ANKS1B: variants seen among roughly 807,000 people sequenced by gnomAD.
The protein encoded by ANKS1B is ankyrin repeat and sterile alpha motif domain containing 1B, also known as ankyrin repeat and sterile alpha motif domain-containing protein 1B.
In ANKS1B, 36 loss-of-function variants were observed where a neutral mutation model predicts 148.3. The observed-to-expected ratio is 0.24, with a 90% CI of 0.19 to 0.32. The LOEUF (loss-of-function observed/expected upper bound fraction) is 0.32. Ranked by LOEUF, ANKS1B falls within the 10% of genes least tolerant of loss-of-function variation. The pLI, the probability that ANKS1B is intolerant of heterozygous loss-of-function variation, is 1.00. For missense variants in ANKS1B, 1,157 were observed against 1,542.6 expected, an observed-to-expected ratio of 0.75 and a Z score of 4.19; for synonymous variants, 542 against 560.8, an observed-to-expected ratio of 0.97 and a Z score of 0.47.
rs1008864099 is a variant in ANKS1B, at chr12:99,984,220, C to T, written c.18G>A (p.Glu6=). The T allele has an allele frequency of 6.2e-7, 1 of 1,613,644 alleles. No individual in the cohort carries two copies. The highest frequency in any genetic ancestry group is 8.5e-7 in the Non-Finnish European group (1 of 1,179,682). MGKDQ[E]LLEAARTGNV... ...TTCCAGTGCGAGCAGCTTCCAGCAGCTCCTGGTCCTTCCCCATAGTCTCTC... is the reference window on the plus strand; with the variant it reads ...TTCCAGTGCGAGCAGCTTCCAGCAGTTCCTGGTCCTTCCCCATAGTCTCTC... The change falls in exon 1 of 27, where the codon GAG becomes GAA. Residue 6 remains glutamate (E), a synonymous_variant. Transcript: ENST00000683438.
chr12:99,426,922 G>A (rs1289330161), intron 11 of ANKS1B, among the ~76,000 whole-genome samples: 1 of 152,100 alleles, frequency 6.6e-6, no homozygotes, highest in Non-Finnish European at 1.5e-5. Context: ...AAATGGCATC[G>A]TGATTTTTCA....
intron 12 of ANKS1B, among the ~76,000 whole-genome samples, chr12:99,247,210 A>T (rs973847215): frequency 1.3e-5 from 2 of 152,188 alleles, no homozygotes; most frequent in African/African-American, 4.8e-5. Flanking sequence ...CTTAAAGTAG[A>T]ACACACACAT....
chr12:99,244,008 T>G (rs897467954), intron 14 of ANKS1B, among the ~76,000 whole-genome samples: 1 of 151,868 alleles, frequency 6.6e-6, no homozygotes, highest in African/African-American at 2.4e-5. Context: ...CCCTAGCACT[T>G]AAAGTATAAT....
chr12:98,846,005 C>CACAT (rs1491400567), intron 17 of ANKS1B, among the ~76,000 whole-genome samples: 12,069 of 149,566 alleles, frequency 0.081, 638 homozygotes, highest in Non-Finnish European at 0.12. Context: ...CACACACACA[C>CACAT]ATATATGTAC....
chr12:99,354,845 A>T (rs1036877231), intron 12 of ANKS1B, among the ~76,000 whole-genome samples: 2 of 151,984 alleles, frequency 1.3e-5, no homozygotes, highest in South Asian at 4.1e-4. Flanking sequence ...TAAGTATATG[A>T]CTCAAACAAT....
At chr12:98,981,850 C>T (rs914973797) in intron 17 of ANKS1B, among the ~76,000 whole-genome samples, 10 of 152,162 alleles carry the variant, frequency 6.6e-5, no homozygotes, top group African/African-American at 2.2e-4. Flanking sequence ...TGATAATATT[C>T]GTGTCTTGTT....
At chr12:99,847,711 CT>C (rs2086920887) in intron 1 of ANKS1B, among the ~76,000 whole-genome samples, 2 of 152,134 alleles carry the variant, frequency 1.3e-5, no homozygotes, top group South Asian at 4.1e-4. Context: ...ACATATAAAA[CT>C]TTGATTAAAT....
At chr12:99,207,538 A>G (rs2082832422) in intron 14 of ANKS1B, among the ~76,000 whole-genome samples, 1 of 152,112 alleles carries the variant, frequency 6.6e-6, no homozygotes, top group African/African-American at 2.4e-5. Context: ...AAATTGTTAT[A>G]TGAGGAAGCA....
At chr12:98,735,001 T>A (rs2097767309) in exon 10 of ANKS1B, 1 of 388,620 alleles carries the variant, frequency 2.6e-6, no homozygotes, top group Non-Finnish European at 4.5e-6. Flanking sequence ...TAATCCCAGC[T>A]CCTTGGGAGG....
chr12:99,354,290 T>C (rs528762987), intron 12 of ANKS1B, among the ~76,000 whole-genome samples: 11 of 152,160 alleles, frequency 7.2e-5, no homozygotes, highest in African/African-American at 2.4e-4. Context: ...TGGGTTCTAC[T>C]CCACATACTC....
intron 9 of ANKS1B, among the ~76,000 whole-genome samples, chr12:99,560,492 T>A (rs2097322390): frequency 6.6e-6 from 1 of 152,156 alleles, no homozygotes. Context: ...AAAATAAAGT[T>A]GATATGCAGG....
At chr12:99,704,934 A>G (rs748800886) in intron 8 of ANKS1B, among the ~76,000 whole-genome samples, 1 of 152,084 alleles carries the variant, frequency 6.6e-6, no homozygotes, top group Non-Finnish European at 1.5e-5. Flanking sequence ...GACAAGCAGA[A>G]CAAGAAAGGA....
At chr12:99,891,873 T>C (rs2093129480) in intron 1 of ANKS1B, among the ~76,000 whole-genome samples, 1 of 152,224 alleles carries the variant, frequency 6.6e-6, no homozygotes, top group Non-Finnish European at 1.5e-5. Context: ...TGATTTGCTA[T>C]AAAATAATCC....
intron 12 of ANKS1B, among the ~76,000 whole-genome samples, chr12:99,349,286 C>T (rs1375519770): frequency 6.6e-6 from 1 of 151,652 alleles, no homozygotes; most frequent in Non-Finnish European, 1.5e-5. Context: ...AATTAAGGAA[C>T]AAAAAGGTTA....
chr12:99,465,465 A>G (rs1345002606), intron 10 of ANKS1B, among the ~76,000 whole-genome samples: 2 of 152,200 alleles, frequency 1.3e-5, no homozygotes, highest in Admixed American at 6.6e-5. Context: ...ATGTAAATGG[A>G]CTAAATGCTC....
At chr12:99,068,543 A>T (rs2045247306) in intron 16 of ANKS1B, among the ~76,000 whole-genome samples, 1 of 152,216 alleles carries the variant, frequency 6.6e-6, no homozygotes, top group Non-Finnish European at 1.5e-5. Flanking sequence ...GCCAGTTTTT[A>T]TAAGTTCTAG....
intron 17 of ANKS1B, among the ~76,000 whole-genome samples, chr12:98,870,987 T>C (rs552745285): frequency 6.6e-6 from 1 of 152,328 alleles, no homozygotes; most frequent in African/African-American, 2.4e-5. Context: ...ACCATTTCAT[T>C]TCTTCCTTTC....
intron 8 of ANKS1B, among the ~76,000 whole-genome samples, chr12:99,720,365 C>T (rs935181094): frequency 1.3e-5 from 2 of 152,298 alleles, no homozygotes; most frequent in Admixed American, 6.5e-5. Flanking sequence ...AGAAGGCCAC[C>T]GCAGTCATTT....
At chr12:99,619,385 G>T (rs1598256747) in intron 9 of ANKS1B, among the ~76,000 whole-genome samples, 2 of 152,004 alleles carry the variant, frequency 1.3e-5, no homozygotes, top group South Asian at 2.1e-4. Flanking sequence ...GGCATTTAGA[G>T]CACCGATTCA....
Sources: gnomAD v4.1 joint callset for allele counts (sites outside exome capture counted in the v4.1 genomes callset) on GRCh38, gnomAD v4.1.1 for gene constraint, MANE v1.5 for transcripts, NCBI Gene and HGNC (gene_info 2026-07-23, HGNC 2026-07-21) for gene names.